MBD5: variants seen among roughly 807,000 people sequenced by gnomAD.
The protein encoded by MBD5 is methyl-CpG-binding domain protein 5.
Under a neutral mutation model 117.3 loss-of-function variants are expected in MBD5, and 13 were observed. That is an observed-to-expected ratio of 0.11 (90% CI 0.07 to 0.18). MBD5 has a LOEUF of 0.18. Among genes scored for constraint, MBD5 ranks in the 10% least tolerant of loss-of-function variants. The pLI, the probability that MBD5 is intolerant of heterozygous loss-of-function variation, is 1.00. For synonymous variants in MBD5, 727 were observed against 766.4 expected (o/e 0.95, Z 0.85); for missense variants, 1,879 against 2,093.8 (o/e 0.90, Z 2.00).
chr2:148,123,311 A>G (rs1696812933), intron 1 of MBD5, among the ~76,000 whole-genome samples: 1 of 152,252 alleles, frequency 6.6e-6, no homozygotes, highest in Admixed American at 6.5e-5. Context: ...ATGAATTGAC[A>G]TGAAGAGATT....
At chr2:148,132,089 AT>A (rs1422280482) in intron 1 of MBD5, among the ~76,000 whole-genome samples, 1 of 152,166 alleles carries the variant, frequency 6.6e-6, no homozygotes, top group Non-Finnish European at 1.5e-5. Flanking sequence ...CACTATTAAA[AT>A]GAGAATAATT....
chr2:148,217,098 C>T (rs929164029), intron 2 of MBD5, among the ~76,000 whole-genome samples: 19 of 152,246 alleles, frequency 1.2e-4, no homozygotes, highest in South Asian at 8.3e-4. Flanking sequence ...ACCTACACCC[C>T]GGATCCCTGC....
At chr2:148,076,832 A>G (rs537281507) in intron 1 of MBD5, among the ~76,000 whole-genome samples, 32 of 152,338 alleles carry the variant, frequency 2.1e-4, no homozygotes, top group Admixed American at 2.0e-3. Flanking sequence ...AATAAAACGC[A>G]TCCATCCCTC....
intron 1 of MBD5, among the ~76,000 whole-genome samples, chr2:148,060,828 T>C (rs1025228367): frequency 6.6e-6 from 1 of 152,196 alleles, no homozygotes; most frequent in South Asian, 2.1e-4. Context: ...GAATTAGAGA[T>C]AATTCTGCTG....
At chr2:148,362,634 C>G (rs79071766) in intron 4 of MBD5, among the ~76,000 whole-genome samples, 1 of 152,200 alleles carries the variant, frequency 6.6e-6, no homozygotes, top group Non-Finnish European at 1.5e-5. Flanking sequence ...GCTCGAGCTC[C>G]GCTAACTGAC....
chr2:148,204,597 G>A (rs1699230081), intron 2 of MBD5, among the ~76,000 whole-genome samples: 1 of 152,104 alleles, frequency 6.6e-6, no homozygotes, highest in Non-Finnish European at 1.5e-5. Context: ...ATAATAGAAG[G>A]GGAAAAAGTC....
At chr2:148,127,039 G>A (rs1403527123) in intron 1 of MBD5, among the ~76,000 whole-genome samples, 1 of 146,844 alleles carries the variant, frequency 6.8e-6, no homozygotes, top group Non-Finnish European at 1.5e-5. Context: ...TGCGTGGCGC[G>A]ATCTCGGCTC....
intron 4 of MBD5, among the ~76,000 whole-genome samples, chr2:148,382,067 C>A (rs1704163346): frequency 6.6e-6 from 1 of 152,086 alleles, no homozygotes; most frequent in South Asian, 2.1e-4. Flanking sequence ...GCGAAATAAC[C>A]AGCTAACATC....
At chr2:148,129,393 G>T (rs2890922) in intron 1 of MBD5, among the ~76,000 whole-genome samples, 66,232 of 151,748 alleles carry the variant, frequency 0.44, 14,609 homozygotes, top group South Asian at 0.5. Flanking sequence ...TACTCGGGAG[G>T]CTGAGGCAGG....
chr2:148,216,795 C>T (rs1699567425), intron 2 of MBD5, among the ~76,000 whole-genome samples: 1 of 152,118 alleles, frequency 6.6e-6, no homozygotes, highest in African/African-American at 2.4e-5. Context: ...TTCTCACAAT[C>T]TTTACTTCTT....
chr2:148,235,222 T>C (rs1467856995), intron 3 of MBD5, among the ~76,000 whole-genome samples: 1 of 152,198 alleles, frequency 6.6e-6, no homozygotes, highest in Non-Finnish European at 1.5e-5. Flanking sequence ...GTCTTTTTTC[T>C]GAATGTATTT....
chr2:148,483,256 T>A lies in MBD5; in HGVS notation c.2665T>A (p.Phe889Ile), dbSNP rs1438068727. The change falls in exon 9 of 14, where the codon TTT becomes ATT. Residue 889 changes from phenylalanine to isoleucine, a missense_variant. By Grantham distance (21) the Phe-to-Ile change is conservative. This residue lies in a region of MBD5 where 1,666 missense variants were observed against 1,792.2 expected (regional missense o/e 0.93). Transcript: ENST00000642680. Reference sequence around the variant, plus strand: ...GAGTCAGCTACCCATTGGGAGTGATTTTCCTTTTGTTGGCCAGGAGCACGC... The same window carrying A: ...GAGTCAGCTACCCATTGGGAGTGATATTCCTTTTGTTGGCCAGGAGCACGC... ...LQSQLPIGSD[F>I]PFVGQEHALH... The A allele has an allele frequency of 1.9e-6, 3 of 1,614,014 alleles. No individual in the cohort carries two copies. Among genetic ancestry groups the A allele is most frequent in the Non-Finnish European group, 2.5e-6 (3 of 1,180,012 alleles).
At chr2:148,188,828 T>C (rs1363405199) in intron 2 of MBD5, among the ~76,000 whole-genome samples, 10 of 152,044 alleles carry the variant, frequency 6.6e-5, no homozygotes, top group Middle Eastern at 6.8e-3. Context: ...GTGATTTCTG[T>C]ATTTCCATCT....
chr2:148,044,939 A>G (rs986916803), intron 1 of MBD5: 3 of 152,176 alleles, frequency 2.0e-5, no homozygotes, highest in African/African-American at 7.2e-5. Context: ...ATGTTTTACT[A>G]TAAGATGATA....
chr2:148,381,455 A>G (rs907934930), intron 4 of MBD5, among the ~76,000 whole-genome samples: 1 of 152,228 alleles, frequency 6.6e-6, no homozygotes, highest in Non-Finnish European at 1.5e-5. Context: ...ATATGGGACA[A>G]TGTGAAAAGA....
chr2:148,374,070 C>A (rs1703925457), intron 4 of MBD5, among the ~76,000 whole-genome samples: 1 of 152,010 alleles, frequency 6.6e-6, no homozygotes, highest in Admixed American at 6.6e-5. Context: ...TTCCAAAATT[C>A]TTCTGGTTCC....
intron 5 of MBD5, among the ~76,000 whole-genome samples, chr2:148,462,043 G>A (rs935983009): frequency 3.3e-5 from 5 of 152,072 alleles, no homozygotes; most frequent in Non-Finnish European, 7.4e-5. Flanking sequence ...AAACACATGG[G>A]TAAGGGGGAG....
intron 8 of MBD5, among the ~76,000 whole-genome samples, chr2:148,478,806 A>T (rs1300851639): frequency 6.6e-6 from 1 of 152,188 alleles, no homozygotes; most frequent in East Asian, 1.9e-4. Context: ...GGACTTCTCC[A>T]GCTTACTAAC....
intron 3 of MBD5, among the ~76,000 whole-genome samples, chr2:148,247,463 G>T (rs1455696020): frequency 3.9e-5 from 6 of 152,050 alleles, no homozygotes; most frequent in Non-Finnish European, 8.8e-5. Flanking sequence ...AGTTACCATG[G>T]GTTTTCAGCA....
Sources: allele counts gnomAD v4.1 joint callset (sites outside exome capture counted in the v4.1 genomes callset), GRCh38; gene constraint gnomAD v4.1.1; regional missense constraint gnomAD v4.1.1; transcripts MANE v1.5; gene names NCBI Gene and HGNC (gene_info 2026-07-23, HGNC 2026-07-21).